Variants in NDUFAF2 observed in about 807,000 individuals in gnomAD.
The protein encoded by NDUFAF2 is NADH:ubiquinone oxidoreductase complex assembly factor 2.
A neutral mutation model predicts 22.8 loss-of-function variants in NDUFAF2; 13 were observed. That is an observed-to-expected ratio of 0.57 (90% CI 0.37 to 0.91). The LOEUF is 0.91. Ranked by LOEUF, NDUFAF2 falls within the 40% of genes least tolerant of loss-of-function variation. The pLI is 0.01. For synonymous variants in NDUFAF2, 53 were observed against 64.2 expected (o/e 0.83, Z 0.84); for missense variants, 162 against 195.2 (o/e 0.83, Z 1.01).
chr5:61,030,875 G>C (rs954937330), intron 1 of NDUFAF2, among the ~76,000 whole-genome samples: 2 of 152,030 alleles, frequency 1.3e-5, no homozygotes, highest in South Asian at 2.1e-4. Context: ...TTTTATTTTA[G>C]ATGAGAACGT....
At chr5:61,140,736 C>A (rs1741040373) in intron 3 of NDUFAF2, among the ~76,000 whole-genome samples, 1 of 152,222 alleles carries the variant, frequency 6.6e-6, no homozygotes, top group Admixed American at 6.5e-5. Context: ...CAAGATTCAG[C>A]ATGTTCTAAC....
chr5:61,006,789 A>T (rs995216546), intron 1 of NDUFAF2, among the ~76,000 whole-genome samples: 1 of 152,104 alleles, frequency 6.6e-6, no homozygotes, highest in African/African-American at 2.4e-5. Context: ...AGGTATTACC[A>T]TCTAGTTAGT....
intron 1 of NDUFAF2, among the ~76,000 whole-genome samples, chr5:60,966,882 G>A (rs1750764673): frequency 6.6e-6 from 1 of 152,018 alleles, no homozygotes; most frequent in Non-Finnish European, 1.5e-5. Flanking sequence ...TCTGTAAAAA[G>A]TGTTATTGGA....
intron 1 of NDUFAF2, among the ~76,000 whole-genome samples, chr5:61,062,626 CA>C (rs1752178870): frequency 6.6e-6 from 1 of 152,000 alleles, no homozygotes; most frequent in Non-Finnish European, 1.5e-5. Flanking sequence ...GAGAAGGGGA[CA>C]AAAAGCTTAT....
intron 1 of NDUFAF2, among the ~76,000 whole-genome samples, chr5:60,964,761 T>C: frequency 6.6e-6 from 1 of 152,106 alleles, no homozygotes; most frequent in Non-Finnish European, 1.5e-5. Flanking sequence ...CACATAACGT[T>C]GATTACCATT....
intron 3 of NDUFAF2, among the ~76,000 whole-genome samples, chr5:61,152,375 T>C (rs1446181948): frequency 6.6e-6 from 1 of 152,192 alleles, no homozygotes; most frequent in African/African-American, 2.4e-5. Flanking sequence ...AAATCAGTGT[T>C]AAGCTTAGGA....
intron 1 of NDUFAF2, among the ~76,000 whole-genome samples, chr5:61,027,023 A>G (rs1463406751): frequency 1.3e-5 from 2 of 151,666 alleles, no homozygotes; most frequent in African/African-American, 2.4e-5. Context: ...TTTCACAACT[A>G]TATGTAAAAA....
chr5:61,110,485 T>C (rs1388273255), intron 3 of NDUFAF2, among the ~76,000 whole-genome samples: 2 of 152,072 alleles, frequency 1.3e-5, no homozygotes, highest in Non-Finnish European at 2.9e-5. Flanking sequence ...GAGACTTTAT[T>C]ATGGTTTCAA....
At chr5:60,959,254 A>C (rs1750654576) in intron 1 of NDUFAF2, among the ~76,000 whole-genome samples, 1 of 152,088 alleles carries the variant, frequency 6.6e-6, no homozygotes, top group Non-Finnish European at 1.5e-5. Context: ...AAGACATTTC[A>C]GATTTTTCCA....
intron 1 of NDUFAF2, among the ~76,000 whole-genome samples, chr5:61,068,270 T>C (rs1752254531): frequency 6.6e-6 from 1 of 152,154 alleles, no homozygotes; most frequent in Non-Finnish European, 1.5e-5. Context: ...CTGCCTATGC[T>C]TAACAAGGCA....
chr5:61,078,465 G>C (rs530150386), intron 2 of NDUFAF2, among the ~76,000 whole-genome samples: 107 of 152,196 alleles, frequency 7.0e-4, no homozygotes, highest in Admixed American at 1.3e-3. Flanking sequence ...ATTTGATCAG[G>C]TGCACTGGCT....
intron 1 of NDUFAF2, among the ~76,000 whole-genome samples, chr5:61,019,455 T>TAAAC (rs1249033777): frequency 1.3e-5 from 2 of 152,112 alleles, no homozygotes; most frequent in Non-Finnish European, 2.9e-5. Flanking sequence ...GGGTTGATAC[T>TAAAC]AAACTACAAC....
intron 1 of NDUFAF2, among the ~76,000 whole-genome samples, chr5:60,952,544 C>T (rs1426445205): frequency 6.6e-6 from 1 of 151,974 alleles, no homozygotes; most frequent in East Asian, 1.9e-4. Context: ...ATTCAGAGAA[C>T]ATATTTTATA....
intron 1 of NDUFAF2, among the ~76,000 whole-genome samples, chr5:61,032,449 C>T (rs1345821009): frequency 1.3e-5 from 2 of 152,128 alleles, no homozygotes; most frequent in Non-Finnish European, 2.9e-5. Flanking sequence ...ATATGGCTAG[C>T]CAGTTTTCCC....
intron 2 of NDUFAF2, among the ~76,000 whole-genome samples, chr5:61,095,321 A>G (rs1332225508): frequency 1.3e-5 from 2 of 152,196 alleles, no homozygotes; most frequent in Non-Finnish European, 1.5e-5. Flanking sequence ...TCCAAAGTTC[A>G]CAGGTTGGAA....
chr5:61,040,251 G>GAC (rs55910021), intron 1 of NDUFAF2, among the ~76,000 whole-genome samples: 3,375 of 131,878 alleles, frequency 0.026, 84 homozygotes, highest in East Asian at 0.11. Flanking sequence ...AAGAGGAAAG[G>GAC]ACACACACAC....
chr5:61,022,417 T>A (rs1191264442), intron 1 of NDUFAF2, among the ~76,000 whole-genome samples: 2 of 152,224 alleles, frequency 1.3e-5, no homozygotes, highest in African/African-American at 4.8e-5. Flanking sequence ...TCTGTTTTCC[T>A]CACAGACCTG....
At chr5:61,059,115 C>T (rs1466810838) in intron 1 of NDUFAF2, among the ~76,000 whole-genome samples, 2 of 151,968 alleles carry the variant, frequency 1.3e-5, no homozygotes, top group African/African-American at 4.8e-5. Flanking sequence ...GAAGTAAAGG[C>T]ATTTCTAAGA....
intron 1 of NDUFAF2, among the ~76,000 whole-genome samples, chr5:61,069,584 A>G (rs1339418738): frequency 3.3e-5 from 5 of 152,182 alleles, no homozygotes; most frequent in South Asian, 4.1e-4. Context: ...ATAGTACTCT[A>G]AAGTATGGCA....
Sources: allele counts gnomAD v4.1 joint callset (sites outside exome capture counted in the v4.1 genomes callset), GRCh38; gene constraint gnomAD v4.1.1; transcripts MANE v1.5; gene names NCBI Gene and HGNC (gene_info 2026-07-23, HGNC 2026-07-21).